Variants in EBNA1BP2 observed in about 807,000 individuals in gnomAD.
EBNA1BP2 encodes EBNA1 binding protein 2, also known as probable rRNA-processing protein EBP2.
In EBNA1BP2, 36 loss-of-function variants were observed where a neutral mutation model predicts 43.5. The observed-to-expected ratio is 0.83, with a 90% CI of 0.63 to 1.09. The LOEUF (loss-of-function observed/expected upper bound fraction) is 1.09. Among genes scored for constraint, EBNA1BP2 ranks in the 50% least tolerant of loss-of-function variants. EBNA1BP2 has a pLI of 0.00. For synonymous variants in EBNA1BP2, 127 were observed against 141.3 expected, an observed-to-expected ratio of 0.90 and a Z score of 0.72; for missense variants, 332 against 379.1, an observed-to-expected ratio of 0.88 and a Z score of 1.03.
intron 7 of EBNA1BP2, among the ~76,000 whole-genome samples, chr1:43,165,176 T>C (rs1045773396): frequency 1.3e-5 from 2 of 152,228 alleles, no homozygotes; most frequent in African/African-American, 2.4e-5. Flanking sequence ...AAATGTAATA[T>C]GTTACATTTG....
chr1:43,170,192 T>A (rs965847572), intron 4 of EBNA1BP2, among the ~76,000 whole-genome samples: 6 of 152,222 alleles, frequency 3.9e-5, no homozygotes, highest in African/African-American at 9.6e-5. Flanking sequence ...TTTTCCCCAA[T>A]ATTTTTGATC....
intron 7 of EBNA1BP2, 27 bp downstream of exon 7, chr1:43,166,791 CAGAACCAA>C: frequency 6.3e-7 from 1 of 1,591,214 alleles, no homozygotes; most frequent in Non-Finnish European, 8.5e-7. Context: ...TCGCACCTCA[CAGAACCAA>C]AGAAACCATG....
At position 43,170,799 on chromosome 1, in the gene EBNA1BP2, T is replaced by C; in HGVS notation, c.404A>G (p.Asp135Gly). The C allele has an allele frequency of 3.1e-6, 5 of 1,607,700 alleles. No individual in the cohort carries two copies. The highest frequency in any genetic ancestry group is 4.2e-6 in the Non-Finnish European group (5 of 1,177,422). The change falls in exon 4 of 9, where the codon GAT becomes GGT. Residue 135 changes from aspartate to glycine, a missense_variant. Asp to Gly is a moderately conservative substitution (Grantham distance 94). Coordinates refer to ENST00000236051, the MANE Select transcript of EBNA1BP2 (RefSeq NM_006824.3). The part of the protein sequence containing the change: ...QLKVPTKRPT[D>G]YFAEMAKSDL... ...AGATTTGGCCATTTCCGCAAAATAATCAGTGGGTCGCTTCGTAGGGACTTT... is the reference window on the plus strand; with the variant it reads ...AGATTTGGCCATTTCCGCAAAATAACCAGTGGGTCGCTTCGTAGGGACTTT...
intron 1 of EBNA1BP2, 29 bp from the exon 2 acceptor site, chr1:43,171,998 G>T (rs747743854): frequency 6.2e-7 from 1 of 1,614,022 alleles, no homozygotes; most frequent in Admixed American, 1.7e-5. Flanking sequence ...GTCACTCCCA[G>T]GGGTGTAAGG....
chr1:43,171,790 T>C (rs981974098), intron 2 of EBNA1BP2, 96 bp downstream of exon 2: 1 of 1,572,102 alleles, frequency 6.4e-7, no homozygotes, highest in Non-Finnish European at 8.7e-7. Context: ...AGGCGCAGGG[T>C]GCATCTTTCC....
At chr1:43,172,464 G>A (rs1645000298), upstream of EBNA1BP2, 2 of 1,542,702 alleles carry the variant, frequency 1.3e-6, no homozygotes, top group East Asian at 2.5e-5. Context: ...GTGGGAGGGG[G>A]TACCTGGGGG....
rs935541883 is a variant in EBNA1BP2 at position 43,169,024 on chromosome 1, C to T, written c.452G>A (p.Arg151Gln). The change falls in exon 5 of 9, where the codon CGA (arginine) becomes CAA (glutamine). Residue 151 changes from arginine to glutamine, a missense_variant. This residue lies in a region of EBNA1BP2 where 91 missense variants were observed against 152.1 expected (regional missense o/e 0.60). Transcript: ENST00000236051. ...AGCCTGTTTAGTCTGCAGCTTCTGT[C>T]GAATCTACAACACAAAATGCTGTCA... ...AKSDLQMQKIRQKLQTKQAAM... is the reference protein window; with the variant it reads ...AKSDLQMQKIQQKLQTKQAAM... 7 of 1,613,940 alleles carry T rather than the reference C, an allele frequency of 4.3e-6. No individual in the cohort carries two copies. The highest frequency in any genetic ancestry group is 1.3e-5 in the African/African-American group (1 of 75,020).
At chr1:43,165,546 G>A (rs1644912768) in intron 7 of EBNA1BP2, among the ~76,000 whole-genome samples, 1 of 152,142 alleles carries the variant, frequency 6.6e-6, no homozygotes, top group Admixed American at 6.5e-5. Context: ...TAGTACCCTT[G>A]TCAATTTCCC....
At chr1:43,168,477 C>T (rs1644932652) in intron 5 of EBNA1BP2, among the ~76,000 whole-genome samples, 2 of 152,184 alleles carry the variant, frequency 1.3e-5, no homozygotes, top group African/African-American at 2.4e-5. Flanking sequence ...GATTGGATGA[C>T]AATCATTATG....
At position 43,167,183 on chromosome 1, in the gene EBNA1BP2, T is replaced by C; in HGVS notation, c.590A>G (p.Asn197Ser). ...ACCTTTCTGATATTTCTTAATAGCA[T>C]TCATCATATGGGCTTTCTCCTGCTG... is the stretch of plus-strand genomic sequence containing the variant. Reference protein sequence around the residue: ...KRQQEKAHMMNAIKKYQKGFS... With the variant: ...KRQQEKAHMMSAIKKYQKGFS... The change falls in exon 6 of 9, where the codon AAT (asparagine) becomes AGT (serine). Residue 197 changes from asparagine (N) to serine (S), a missense_variant. Transcript: ENST00000236051. 6.2e-7 allele frequency: 1 copy of C among 1,614,192 alleles called. No individual in the cohort carries two copies. Among genetic ancestry groups the C allele is most frequent in the Non-Finnish European group, 8.5e-7 (1 of 1,180,040 alleles).
intron 4 of EBNA1BP2, among the ~76,000 whole-genome samples, chr1:43,170,474 T>C (rs1644949175): frequency 1.3e-5 from 2 of 152,218 alleles, no homozygotes; most frequent in African/African-American, 4.8e-5. Context: ...GTCATGACCA[T>C]GCCAGCTAGG....
rs1644973230 is a variant in EBNA1BP2, at chr1:43,171,612, G to C, written c.190C>G (p.Leu64Val). The change falls in exon 3 of 9, where the codon CTG becomes GTG. Residue 64 changes from leucine to valine, a missense_variant. Around this residue, in one of 3 missense-constraint regions of EBNA1BP2, gnomAD observed 182 missense variants for 173.7 expected, o/e 1.05. Transcript: ENST00000236051. The part of the protein sequence containing the change: ...KQCLAEFKRD[L>V]EWVERLDVTL... The stretch of plus-strand genomic sequence containing the variant: ...ACATCGAGCCTTTCAACCCATTCCA[G>C]ATCCCGCTTGAATTCTGCCAAACAT... 1 of 1,613,994 alleles carries C rather than the reference G, an allele frequency of 6.2e-7. No homozygotes were observed. Among genetic ancestry groups the C allele is most frequent in the Non-Finnish European group, 8.5e-7 (1 of 1,180,042 alleles).
At position 43,164,817 on chromosome 1, in the gene EBNA1BP2, T is replaced by C. The variant is rs766587245; in HGVS notation, c.708-12A>G. The C allele has an allele frequency of 3.1e-6, 5 of 1,613,858 alleles. No homozygotes were observed. Among genetic ancestry groups the C allele is most frequent in the Non-Finnish European group, 2.5e-6 (3 of 1,179,910 alleles). On this transcript the variant is annotated splice_polypyrimidine_tract_variant and intron_variant, in intron 7 of 8. Transcript: ENST00000236051. ...GTTTAGCACTGGGCCTGGAAAAGAA[T>C]GGTCCTAGACATCACTACAGCACTG...
chr1:43,171,859 T>TA, intron 2 of EBNA1BP2, 27 bp downstream of exon 2: 1 of 1,611,540 alleles, frequency 6.2e-7, no homozygotes, highest in Non-Finnish European at 8.5e-7. Flanking sequence ...CATGTCCGAG[T>TA]ACCCCCGACC....
chr1:43,168,928 T>TC lies in EBNA1BP2; in HGVS notation c.537+10_537+11insG. ...CGCCTCTTCCTGTTCCCTGCACACT[T>TC]TTCTTCTCACCTTCTTCCCGTATTT... On this transcript the variant is annotated intron_variant, in intron 5 of 8. Coordinates refer to ENST00000236051, the MANE Select transcript of EBNA1BP2 (RefSeq NM_006824.3). The TC allele has an allele frequency of 6.2e-7, 1 of 1,614,022 alleles. No homozygotes were observed. The highest frequency in any genetic ancestry group is 8.5e-7 in the Non-Finnish European group (1 of 1,179,960).
At position 43,166,786 on chromosome 1, in the gene EBNA1BP2, C is replaced by T. The variant is rs746547290; in HGVS notation, c.707+40G>A. The T allele has an allele frequency of 1.7e-5, 27 of 1,583,466 alleles. 1 individual carries two copies. The South Asian group carries it at 3.1e-4, about 18-fold the overall frequency. ...ACTCGTGACCTGTGGCCCCATCGCA[C>T]CTCACAGAACCAAAGAAACCATGCC... On this transcript the variant is annotated intron_variant, in intron 7 of 8. Transcript: ENST00000236051.
upstream of EBNA1BP2, chr1:43,172,363 C>A (rs868092104): frequency 3.4e-5 from 52 of 1,551,482 alleles, no homozygotes; most frequent in African/African-American, 6.2e-4. Flanking sequence ...GGAACCGCTA[C>A]GGCGTTTGAA....
upstream of EBNA1BP2, chr1:43,172,400 C>G: frequency 6.4e-7 from 1 of 1,551,466 alleles, no homozygotes; most frequent in Non-Finnish European, 8.7e-7. Context: ...AGGATCCCTA[C>G]AGGTAGCGCC....
intron 5 of EBNA1BP2, among the ~76,000 whole-genome samples, chr1:43,167,811 A>G (rs1017513745): frequency 1.1e-4 from 16 of 152,194 alleles, no homozygotes; most frequent in Non-Finnish European, 1.6e-4. Context: ...TGTGGAGAGA[A>G]TAATTCTTTG....
Sources: gnomAD v4.1 joint callset for allele counts (sites outside exome capture counted in the v4.1 genomes callset) on GRCh38, gnomAD v4.1.1 for gene constraint, gnomAD v4.1.1 regional missense constraint, MANE v1.5 for transcripts, NCBI Gene and HGNC (gene_info 2026-07-23, HGNC 2026-07-21) for gene names.